Variants in GRAPL observed in about 807,000 individuals in gnomAD.
The protein encoded by GRAPL is GRB2 related adaptor protein like.
In GRAPL at chr17:19,147,016, GGTGTGTGT is replaced by G. The variant is rs764286470; in HGVS notation, c.299+8456_299+8463del. Among the ~76,000 whole-genome samples the G allele has an allele frequency of 5.4e-4, 53 of 98,558 alleles. 5 individuals are homozygous for G. The highest frequency in any genetic ancestry group is 1.9e-3 in the African/African-American group (30 of 15,706). 64.7% of individuals were successfully genotyped at this position (98,558 alleles called of 152,430 possible). A position where few individuals can be genotyped will look rare whatever the true frequency, so the allele number is the denominator to read the frequency against. ...CAATTTACAACCCAGGAGAGGTAGG[GGTGTGTGT>G]GTGTGTGTGTGTGTGTGTGTGTGTG... On this transcript the variant is annotated intron_variant, in intron 3 of 3. Coordinates refer to ENST00000344415, the MANE Select transcript of GRAPL (RefSeq NM_001129778.3).
At chr17:19,128,704 CTGTGGAACT>C (rs2044633845) in intron 1 of GRAPL, among the ~76,000 whole-genome samples, 1 of 148,104 alleles carries the variant, frequency 6.8e-6, no homozygotes, top group South Asian at 2.1e-4. Flanking sequence ...GTCCCTTTGG[CTGTGGAACT>C]TGCGCTTGGT....
At chr17:19,148,731 C>T (rs1408712696) in intron 3 of GRAPL, among the ~76,000 whole-genome samples, 1 of 34,948 alleles carries the variant, frequency 2.9e-5, no homozygotes, top group Non-Finnish European at 5.0e-5. Context: ...ACGGTGAAAC[C>T]CCGTCTCTAC....
At chr17:19,148,816 G>A (rs1378396897) in intron 3 of GRAPL, among the ~76,000 whole-genome samples, 1 of 107,708 alleles carries the variant, frequency 9.3e-6, no homozygotes. Flanking sequence ...GCTGAGGCAG[G>A]AGAATGGCGT....
At chr17:19,144,224 G>A (rs1029449631) in intron 3 of GRAPL, 2 of 248,678 alleles carry the variant, frequency 8.0e-6, no homozygotes, top group Admixed American at 5.5e-5. Context: ...GGTGTCCTAG[G>A]GCTCCTGCCC....
intron 3 of GRAPL, among the ~76,000 whole-genome samples, chr17:19,147,303 C>A (rs1192445571): frequency 1.6e-5 from 2 of 122,038 alleles, no homozygotes; most frequent in Non-Finnish European, 3.3e-5. Flanking sequence ...CCTAAACTGT[C>A]TTCTTTCTGG....
intron 3 of GRAPL, among the ~76,000 whole-genome samples, chr17:19,148,733 C>T (rs1460850535): frequency 1.1e-4 from 4 of 35,508 alleles, no homozygotes; most frequent in East Asian, 3.4e-3. Flanking sequence ...GGTGAAACCC[C>T]GTCTCTACTA....
chr17:19,149,328 CAAAAAAAAA>C (rs1169593968), intron 3 of GRAPL, among the ~76,000 whole-genome samples: 2 of 12,640 alleles, frequency 1.6e-4, no homozygotes, highest in Admixed American at 1.1e-3. Context: ...GACTCTGTCT[CAAAAAAAAA>C]AAAAAAAAAA....
intron 3 of GRAPL, among the ~76,000 whole-genome samples, chr17:19,148,948 C>T (rs960954273): frequency 2.3e-5 from 3 of 130,258 alleles, no homozygotes; most frequent in Admixed American, 1.7e-4. Context: ...AAAGAGCAGG[C>T]TCTCTCCTCC....
chr17:19,144,288 C>T lies in GRAPL; in HGVS notation c.299+5700C>T. 5.6e-6 allele frequency: 2 copies of T among 354,906 alleles called. 1 individual carries two copies. The allele number at this position is 354,906 out of a possible 1,614,324, so 22.0% of individuals were successfully genotyped here. On this transcript the variant is annotated intron_variant, in intron 3 of 3. Coordinates refer to ENST00000344415, the MANE Select transcript of GRAPL (RefSeq NM_001129778.3). ...GCTGACACTGTTACCTTTGCTGCTG[C>T]TGCTGCTGCTGCTGCTGCTGCCGCC...
chr17:19,149,241 A>C (rs2044718863), intron 3 of GRAPL, among the ~76,000 whole-genome samples: 1 of 93,904 alleles, frequency 1.1e-5, no homozygotes, highest in Non-Finnish European at 1.8e-5. Flanking sequence ...GAGGCAGAGA[A>C]TTGCTTGAAC....
chr17:19,148,722 C>T (rs1334063042), intron 3 of GRAPL, among the ~76,000 whole-genome samples: 2 of 32,872 alleles, frequency 6.1e-5, no homozygotes, highest in Non-Finnish European at 1.1e-4. Context: ...CTGGCTAACA[C>T]GGTGAAACCC....
chr17:19,148,895 G>A (rs1216438828), intron 3 of GRAPL, among the ~76,000 whole-genome samples: 3 of 123,418 alleles, frequency 2.4e-5, no homozygotes, highest in Non-Finnish European at 3.4e-5. Flanking sequence ...GTGACAGAGC[G>A]AGACCACGCC....
At chr17:19,147,018 T>G (rs1415001757) in intron 3 of GRAPL, among the ~76,000 whole-genome samples, 32 of 88,708 alleles carry the variant, frequency 3.6e-4, no homozygotes, top group African/African-American at 7.8e-4. Flanking sequence ...GAGGTAGGGG[T>G]GTGTGTGTGT....
intron 3 of GRAPL, chr17:19,142,908 C>T (rs1293638896): frequency 1.3e-5 from 1 of 74,918 alleles, no homozygotes; most frequent in Non-Finnish European, 2.0e-5. Context: ...AGCTATGTAA[C>T]GTGTTTTTTA....
chr17:19,148,801 G>A lies in GRAPL; in HGVS notation c.300-9518G>A, dbSNP rs1205601447. ...TGGGCGCCTGTAGTCCCAGCTACTC[G>A]GGAGGCTGAGGCAGGAGAATGGCGT... On this transcript the variant is annotated intron_variant, in intron 3 of 3. Transcript: ENST00000344415. Among the ~76,000 whole-genome samples, 18 of 103,214 alleles carry A rather than the reference G, an allele frequency of 1.7e-4. 2 individuals are homozygous for A. Among genetic ancestry groups the A allele is most frequent in the South Asian group, 5.3e-4 (1 of 1,902 alleles). The allele number at this position is 103,214 out of a possible 152,430, so 67.7% of individuals were successfully genotyped here.
chr17:19,148,765 G>C (rs1442587168), intron 3 of GRAPL, among the ~76,000 whole-genome samples: 4 of 82,704 alleles, frequency 4.8e-5, no homozygotes, highest in African/African-American at 1.7e-4. Flanking sequence ...AAAATTAGCC[G>C]GGCGCGGTGG....
At chr17:19,149,707 G>C (rs1346679419) in intron 3 of GRAPL, among the ~76,000 whole-genome samples, 1 of 106,304 alleles carries the variant, frequency 9.4e-6, no homozygotes, top group Non-Finnish European at 1.6e-5. Context: ...GTTGCAGTGA[G>C]CTGAGATCAC....
chr17:19,144,396 C>T (rs2044686508), intron 3 of GRAPL, among the ~76,000 whole-genome samples: 1 of 120,684 alleles, frequency 8.3e-6, no homozygotes, highest in Non-Finnish European at 1.7e-5. Flanking sequence ...TTCTGACAGC[C>T]CAGGGGTCAG....
chr17:19,149,328 C>CAAA (rs1169593968), intron 3 of GRAPL, among the ~76,000 whole-genome samples: 1 of 12,632 alleles, frequency 7.9e-5, no homozygotes, highest in Non-Finnish European at 1.0e-4. Context: ...GACTCTGTCT[C>CAAA]AAAAAAAAAA....
Sources: gnomAD v4.1 joint callset for allele counts (sites outside exome capture counted in the v4.1 genomes callset) on GRCh38, gnomAD v4.1.1 for gene constraint, MANE v1.5 for transcripts, NCBI Gene and HGNC (gene_info 2026-07-23, HGNC 2026-07-21) for gene names.